The following DPP6 variants were observed in gnomAD, a reference collection of about 807,000 sequenced individuals.
The protein encoded by DPP6 is A-type potassium channel modulatory protein DPP6.
A neutral mutation model predicts 122.6 loss-of-function variants in DPP6; 69 were observed. The ratio of observed to expected loss-of-function variants is 0.56; its 90% CI spans 0.46 to 0.69. The LOEUF (loss-of-function observed/expected upper bound fraction) is 0.69. Ranked by LOEUF, DPP6 falls within the 30% of genes least tolerant of loss-of-function variation. The pLI, the probability that DPP6 is intolerant of heterozygous loss-of-function variation, is 0.00. For synonymous variants in DPP6, 418 were observed against 433.1 expected, an observed-to-expected ratio of 0.97 and a Z score of 0.43; for missense variants, 928 against 1,116.9, an observed-to-expected ratio of 0.83 and a Z score of 2.41.
chr7:154,422,429 A>G (rs1394127436), intron 1 of DPP6, among the ~76,000 whole-genome samples: 1 of 152,184 alleles, frequency 6.6e-6, no homozygotes, highest in African/African-American at 2.4e-5. Context: ...TACAGGTAAA[A>G]GCAATAACTG....
chr7:154,128,879 G>A (rs1429214582), intron 1 of DPP6, among the ~76,000 whole-genome samples: 1 of 149,942 alleles, frequency 6.7e-6, no homozygotes, highest in Non-Finnish European at 1.5e-5. Flanking sequence ...TGCAGCATTT[G>A]CAACTTACCA....
At chr7:154,294,727 CAG>C (rs77009467) in intron 1 of DPP6, among the ~76,000 whole-genome samples, 5,549 of 152,192 alleles carry the variant, frequency 0.036, 114 homozygotes, top group Admixed American at 0.05. Context: ...GAGCCCCAGA[CAG>C]GGGACAACTC....
At chr7:154,292,732 C>A (rs75552158) in intron 1 of DPP6, among the ~76,000 whole-genome samples, 3,665 of 152,172 alleles carry the variant, frequency 0.024, 108 homozygotes, top group African/African-American at 0.075. Context: ...GGCAGAGTCT[C>A]GTTTTTGATT....
chr7:154,136,348 C>T (rs1796841556), intron 1 of DPP6, among the ~76,000 whole-genome samples: 1 of 152,120 alleles, frequency 6.6e-6, no homozygotes, highest in East Asian at 1.9e-4. Context: ...CAAATGTTCC[C>T]TAACTGAAAG....
chr7:154,446,220 G>A lies in DPP6; in HGVS notation c.250G>A (p.Val84Met). The A allele has an allele frequency of 1.9e-6, 3 of 1,598,182 alleles. No homozygotes were observed. The highest frequency in any genetic ancestry group is 2.6e-6 in the Non-Finnish European group (3 of 1,172,024). Residue 84 changes from valine to methionine, a missense_variant, in exon 2 of 26, where the codon GTG becomes ATG. Physicochemically the swap from Val to Met is conservative, Grantham distance 21. Coordinates refer to ENST00000377770, the MANE Select transcript of DPP6 (RefSeq NM_130797.4). ...RSDGDEEDEL[V>M]GSNPPQRNWK... ...TTGTTGTTGCTGTTTTTAGGAGCTG[G>A]TGGGGAGTAACCCTCCGCAGAGGAA... is the stretch of plus-strand genomic sequence containing the variant.
chr7:154,168,496 G>A (rs1797370966), intron 1 of DPP6, among the ~76,000 whole-genome samples: 2 of 152,182 alleles, frequency 1.3e-5, no homozygotes, highest in African/African-American at 4.8e-5. Flanking sequence ...CTGTGGAAGG[G>A]CAGTCACATT....
intron 5 of DPP6, among the ~76,000 whole-genome samples, chr7:154,637,344 G>A (rs1164146564): frequency 1.3e-5 from 2 of 152,190 alleles, no homozygotes; most frequent in East Asian, 3.9e-4. Context: ...GGTCAAAAGT[G>A]TGCCCAATTA....
chr7:153,871,732 T>A, the DPP6 span, among the ~76,000 whole-genome samples: 1 of 152,188 alleles, frequency 6.6e-6, no homozygotes, highest in Non-Finnish European at 1.5e-5. Flanking sequence ...ATCACCCACC[T>A]TCTGCGTCGC....
chr7:153,860,526 C>T, the DPP6 span, among the ~76,000 whole-genome samples: 9 of 152,160 alleles, frequency 5.9e-5, no homozygotes, highest in South Asian at 4.1e-4. Flanking sequence ...CCACCCTTCC[C>T]GGGTTGCAGG....
At chr7:154,635,216 G>T (rs1299317870) in intron 5 of DPP6, among the ~76,000 whole-genome samples, 1 of 152,154 alleles carries the variant, frequency 6.6e-6, no homozygotes, top group African/African-American at 2.4e-5. Context: ...ATGAGTTCTT[G>T]CATGGTAAGG....
chr7:154,225,894 G>C (rs1800569992), intron 1 of DPP6, among the ~76,000 whole-genome samples: 1 of 152,086 alleles, frequency 6.6e-6, no homozygotes, highest in African/African-American at 2.4e-5. Flanking sequence ...ACTTCGTATA[G>C]CAAGCAATGC....
At chr7:153,937,873 C>T (rs9691820) in intron 1 of DPP6, among the ~76,000 whole-genome samples, 34,565 of 152,104 alleles carry the variant, frequency 0.23, 3,966 homozygotes, top group East Asian at 0.27. Flanking sequence ...TGGCCCACTG[C>T]ATCACGTGAA....
chr7:154,752,798 G>A (rs888906249), intron 8 of DPP6, among the ~76,000 whole-genome samples: 1 of 152,232 alleles, frequency 6.6e-6, no homozygotes, highest in East Asian at 1.9e-4. Flanking sequence ...GGTTCTGGGG[G>A]TGAGCTGCAG....
At chr7:154,634,351 T>G (rs1445392010) in intron 5 of DPP6, among the ~76,000 whole-genome samples, 1 of 152,086 alleles carries the variant, frequency 6.6e-6, no homozygotes, top group African/African-American at 2.4e-5. Context: ...TCATCATTTT[T>G]TATGGCTGCA....
At chr7:154,771,011 C>T (rs1796219656) in intron 9 of DPP6, among the ~76,000 whole-genome samples, 1 of 152,240 alleles carries the variant, frequency 6.6e-6, no homozygotes, top group Non-Finnish European at 1.5e-5. Context: ...AGGCTCACTT[C>T]CTGCCATGAG....
intron 4 of DPP6, among the ~76,000 whole-genome samples, chr7:154,557,020 G>A (rs1830092751): frequency 6.6e-6 from 1 of 152,136 alleles, no homozygotes; most frequent in African/African-American, 2.4e-5. Context: ...ATTTGTAACA[G>A]GGCCACTCGT....
chr7:154,666,208 T>C (rs867184138), intron 6 of DPP6, among the ~76,000 whole-genome samples: 32 of 134,330 alleles, frequency 2.4e-4, no homozygotes, highest in Middle Eastern at 3.7e-3. Flanking sequence ...TATACACATA[T>C]ACATACATAC....
the DPP6 span, among the ~76,000 whole-genome samples, chr7:153,856,780 A>G: frequency 2.8e-4 from 42 of 152,298 alleles, no homozygotes; most frequent in African/African-American, 9.4e-4. Context: ...AATCATCCAA[A>G]TCACATTTTC....
intron 1 of DPP6, among the ~76,000 whole-genome samples, chr7:154,146,864 C>T (rs1359627141): frequency 2.0e-5 from 3 of 151,738 alleles, no homozygotes; most frequent in Non-Finnish European, 2.9e-5. Context: ...TCCCTGCTCC[C>T]GTGGGTGCAC....
Sources: gnomAD v4.1 joint callset for allele counts (sites outside exome capture counted in the v4.1 genomes callset) on GRCh38, gnomAD v4.1.1 for gene constraint, MANE v1.5 for transcripts, NCBI Gene and HGNC (gene_info 2026-07-23, HGNC 2026-07-21) for gene names.